The following DZANK1 variants were observed in gnomAD, a reference collection of about 807,000 sequenced individuals.
The protein encoded by DZANK1 is double zinc ribbon and ankyrin repeat-containing protein 1.
In DZANK1, 91 loss-of-function variants were observed where a neutral mutation model predicts 94.5. The ratio of observed to expected loss-of-function variants is 0.96; its 90% CI spans 0.81 to 1.15. The LOEUF is 1.15. Among genes scored for constraint, DZANK1 ranks in the 50% most tolerant of loss-of-function variants. The pLI is 0.00. For synonymous variants in DZANK1, 312 were observed against 325.3 expected (o/e 0.96, Z 0.44); for missense variants, 903 against 916.4 (o/e 0.99, Z 0.19).
exon 21 of DZANK1, chr20:18,384,391 C>A: frequency 1.2e-6 from 2 of 1,606,506 alleles, no homozygotes; most frequent in Non-Finnish European, 1.7e-6. Context: ...CCCGTGGAGG[C>A]CTCAGGGCTA....
At chr20:18,412,539 A>C (rs934085413) in intron 13 of DZANK1, 107 bp downstream of exon 13, 8 of 1,141,174 alleles carry the variant, frequency 7.0e-6, no homozygotes, top group African/African-American at 1.5e-5. Flanking sequence ...AAAGAAACTT[A>C]CTTCTTACAC....
chr20:18,412,130 C>T (rs2057286991), intron 13 of DZANK1, among the ~76,000 whole-genome samples: 2 of 152,068 alleles, frequency 1.3e-5, no homozygotes, highest in African/African-American at 4.8e-5. Context: ...TGCACCACCA[C>T]AAATGACTGC....
At chr20:18,442,661 A>G (rs1006478540) in intron 8 of DZANK1, among the ~76,000 whole-genome samples, 1 of 152,202 alleles carries the variant, frequency 6.6e-6, no homozygotes, top group African/African-American at 2.4e-5. Flanking sequence ...AACTCACTCA[A>G]TTAGTGACTT....
At chr20:18,453,740 T>C (rs1453466518) in exon 5 of DZANK1, 2 of 1,610,538 alleles carry the variant, frequency 1.2e-6, no homozygotes, top group Admixed American at 1.7e-5. Flanking sequence ...CCTGGAAACT[T>C]TCTAAGGTTA....
chr20:18,453,414 C>T (rs2059174110), intron 5 of DZANK1, among the ~76,000 whole-genome samples: 1 of 152,150 alleles, frequency 6.6e-6, no homozygotes, highest in Non-Finnish European at 1.5e-5. Flanking sequence ...CAAAACTCTG[C>T]TTTCATTTAT....
At chr20:18,437,075 T>C (rs951594512) in intron 8 of DZANK1, among the ~76,000 whole-genome samples, 3 of 152,162 alleles carry the variant, frequency 2.0e-5, no homozygotes, top group Non-Finnish European at 4.4e-5. Flanking sequence ...GATGATCACT[T>C]GAGTTCACAG....
chr20:18,394,923 G>A (rs997148836), intron 15 of DZANK1: 2 of 456,094 alleles, frequency 4.4e-6, no homozygotes, highest in Non-Finnish European at 8.8e-6. Context: ...GCAGTAAAAT[G>A]GGCGTCTACA....
At chr20:18,456,376 C>A (rs1479026199) in intron 3 of DZANK1, among the ~76,000 whole-genome samples, 1 of 152,194 alleles carries the variant, frequency 6.6e-6, no homozygotes, top group South Asian at 2.1e-4. Context: ...TATTTCACTA[C>A]CAGTAGCTCA....
chr20:18,459,780 G>A (rs1270848714), intron 3 of DZANK1, among the ~76,000 whole-genome samples: 2 of 152,064 alleles, frequency 1.3e-5, no homozygotes, highest in South Asian at 2.1e-4. Flanking sequence ...GTGGTTGTAG[G>A]CTGCATCCTG....
chr20:18,451,031 C>T (rs147023350), intron 6 of DZANK1, among the ~76,000 whole-genome samples: 6 of 152,248 alleles, frequency 3.9e-5, no homozygotes, highest in Admixed American at 6.5e-5. Context: ...CTGCAACCTC[C>T]GCCTCCCCAG....
At chr20:18,389,090 A>G (rs2048689680) in intron 19 of DZANK1, among the ~76,000 whole-genome samples, 1 of 152,242 alleles carries the variant, frequency 6.6e-6, no homozygotes, top group African/African-American at 2.4e-5. Context: ...TTTTCAAAGT[A>G]CTTTTTGAAA....
Position 18,427,051 on chromosome 20 carries a change from C to T in DZANK1, c.954+16G>A, listed in dbSNP as rs1054086380. ...GTAGCCACTAAATATAGGATTGGCA[C>T]ATGCAATCAACCTACCTCTTGTGAT... On this transcript the variant is annotated intron_variant, in intron 10 of 20. Transcript: ENST00000262547. 4 of 1,579,124 alleles carry T rather than the reference C, an allele frequency of 2.5e-6. 1 individual carries two copies. The highest frequency in any genetic ancestry group is 1.7e-4 in the Middle Eastern group (1 of 5,952).
chr20:18,396,193 C>G (rs565613745), intron 15 of DZANK1, among the ~76,000 whole-genome samples: 1 of 152,200 alleles, frequency 6.6e-6, no homozygotes, highest in Non-Finnish European at 1.5e-5. Context: ...TTTTGTTAGT[C>G]TTTCCCCAAA....
intron 9 of DZANK1, among the ~76,000 whole-genome samples, chr20:18,430,939 C>A (rs2058258907): frequency 6.6e-6 from 1 of 151,880 alleles, no homozygotes; most frequent in African/African-American, 2.4e-5. Context: ...CAAACCAAAC[C>A]AAATCTAAAT....
Position 18,384,740 on chromosome 20 carries a change from C to T in DZANK1, c.2094-176G>A, listed in dbSNP as rs2148099818. Among the ~76,000 whole-genome samples the T allele has an allele frequency of 2.0e-5, 3 of 152,302 alleles. No individual in the cohort carries two copies. In the South Asian group the frequency reaches 6.2e-4, roughly 32 times the overall value. ...TCTCAGAGGTGGCTCTACCCTGAAA[C>T]CTTTAAAGAGGCTCTGTGATTTCAA... On this transcript the variant is annotated intron_variant, in intron 20 of 20. Transcript: ENST00000262547.
At chr20:18,434,754 A>G (rs377445492) in intron 8 of DZANK1, among the ~76,000 whole-genome samples, 3 of 152,140 alleles carry the variant, frequency 2.0e-5, no homozygotes, top group South Asian at 2.1e-4. Flanking sequence ...TAGTTCCACC[A>G]GGGCAGGGCA....
chr20:18,391,107 C>T (rs1292772783), intron 17 of DZANK1, among the ~76,000 whole-genome samples: 1 of 152,152 alleles, frequency 6.6e-6, no homozygotes, highest in Non-Finnish European at 1.5e-5. Context: ...AGGAGAATCG[C>T]TTGAATCCAG....
At chr20:18,425,703 G>C (rs2148547190) in intron 10 of DZANK1, among the ~76,000 whole-genome samples, 1 of 152,316 alleles carries the variant, frequency 6.6e-6, no homozygotes, top group East Asian at 1.9e-4. Flanking sequence ...AAGTTAAAAT[G>C]TGGTCATTAG....
At chr20:18,393,902 CAG>C in intron 16 of DZANK1, 91 bp from the exon 17 acceptor site, 1 of 900,508 alleles carries the variant, frequency 1.1e-6, no homozygotes. Flanking sequence ...CCTCAAAAGT[CAG>C]AGGATAAAAT....
Sources: allele counts gnomAD v4.1 joint callset (sites outside exome capture counted in the v4.1 genomes callset), GRCh38; gene constraint gnomAD v4.1.1; transcripts MANE v1.5; gene names NCBI Gene and HGNC (gene_info 2026-07-23, HGNC 2026-07-21).